AAK1: variants seen among roughly 807,000 people sequenced by gnomAD.
AAK1 encodes AP2-associated protein kinase 1.
In AAK1, 37 loss-of-function variants were observed where a neutral mutation model predicts 116.0. That is an observed-to-expected ratio of 0.32 (90% confidence interval 0.25 to 0.42). The LOEUF is 0.42. Ranked by LOEUF, AAK1 falls within the 10% of genes least tolerant of loss-of-function variation. The probability of loss-of-function intolerance (pLI) is 1.00; values close to 1 mark genes in which losing one functional copy is unlikely to be tolerated. For missense variants in AAK1, 919 were observed against 1,170.6 expected (o/e 0.79, Z 3.14); for synonymous variants, 458 against 439.9 (o/e 1.04, Z -0.51).
intron 17 of AAK1, 39 bp from the exon 18 acceptor site, chr2:69,482,851 A>G: frequency 7.6e-7 from 1 of 1,321,908 alleles, no homozygotes; most frequent in Non-Finnish European, 1.1e-6. Context: ...GCAAAAATGT[A>G]GTAAGATATT....
At chr2:69,624,886 T>C (rs67927957) in intron 2 of AAK1, among the ~76,000 whole-genome samples, 13,934 of 152,162 alleles carry the variant, frequency 0.092, 716 homozygotes, top group African/African-American at 0.13. Flanking sequence ...TTACATTGAA[T>C]GTGTGGGGCA....
intron 2 of AAK1, among the ~76,000 whole-genome samples, chr2:69,575,214 G>C (rs1672256201): frequency 6.6e-6 from 1 of 151,820 alleles, no homozygotes; most frequent in Admixed American, 6.6e-5. Context: ...GGCTTGTTAA[G>C]AAGGCGACCC....
chr2:69,519,141 T>C lies in AAK1; in HGVS notation c.1310A>G (p.Gln437Arg). The change falls in exon 12 of 22, where the codon CAG becomes CGG. Residue 437 changes from glutamine to arginine, a missense_variant. Physicochemically the swap from Gln to Arg is conservative, Grantham distance 43. Coordinates refer to ENST00000409085, the MANE Select transcript of AAK1 (RefSeq NM_014911.5). ...CGTCTGCTGTGGAGTGGGAGGAGCC[T>C]GTGGCTGCTTGGCCTGAGTTTGCGG... ...PLPQTQAKQP[Q>R]APPTPQQTPS... 2.5e-6 allele frequency: 4 copies of C among 1,571,002 alleles called. No homozygotes were observed. The highest frequency in any genetic ancestry group is 3.5e-6 in the Non-Finnish European group (4 of 1,157,426).
chr2:69,565,466 G>T (rs1158669635), intron 2 of AAK1, among the ~76,000 whole-genome samples: 1 of 152,224 alleles, frequency 6.6e-6, no homozygotes, highest in Non-Finnish European at 1.5e-5. Context: ...GACCAACTGG[G>T]AAACTAAAAC....
intron 2 of AAK1, among the ~76,000 whole-genome samples, chr2:69,637,789 T>A (rs1187972687): frequency 1.3e-5 from 2 of 152,176 alleles, no homozygotes; most frequent in African/African-American, 2.4e-5. Flanking sequence ...GTTTTGTTAA[T>A]ATTTATCAAA....
At chr2:69,637,540 A>C (rs2105270294) in intron 2 of AAK1, among the ~76,000 whole-genome samples, 1 of 152,294 alleles carries the variant, frequency 6.6e-6, no homozygotes, top group South Asian at 2.1e-4. Context: ...AATAGACCGG[A>C]GGCAAGTCTC....
chr2:69,598,099 A>T, intron 2 of AAK1: 1 of 1,013,852 alleles, frequency 9.9e-7, no homozygotes, highest in Non-Finnish European at 1.3e-6. Context: ...TTTTGGATAC[A>T]TATAATAACA....
At chr2:69,549,833 T>A (rs1048275654) in intron 3 of AAK1, among the ~76,000 whole-genome samples, 4 of 152,226 alleles carry the variant, frequency 2.6e-5, no homozygotes, top group Non-Finnish European at 5.9e-5. Flanking sequence ...TTCATTAGAA[T>A]CAGTCCACTG....
intron 3 of AAK1, among the ~76,000 whole-genome samples, chr2:69,556,449 A>T (rs909190280): frequency 1.8e-4 from 28 of 152,346 alleles, no homozygotes; most frequent in Non-Finnish European, 3.1e-4. Flanking sequence ...GGATATGTTC[A>T]CAGGATTTTG....
chr2:69,526,343 A>G (rs986785908), intron 9 of AAK1, among the ~76,000 whole-genome samples: 8 of 152,372 alleles, frequency 5.3e-5, no homozygotes, highest in African/African-American at 1.9e-4. Flanking sequence ...CAGCACCCTT[A>G]AGTCCCAGCA....
intron 4 of AAK1, among the ~76,000 whole-genome samples, chr2:69,543,270 A>G (rs750212040): frequency 5.9e-5 from 9 of 152,352 alleles, no homozygotes; most frequent in Non-Finnish European, 1.2e-4. Context: ...TCCAAAAAGG[A>G]AATGAGCAGG....
At chr2:69,511,785 C>T (rs1415496588) in intron 13 of AAK1, among the ~76,000 whole-genome samples, 2 of 152,138 alleles carry the variant, frequency 1.3e-5, no homozygotes, top group Admixed American at 1.3e-4. Context: ...AGTTTTCTTA[C>T]CACTTGGAGA....
At chr2:69,530,868 T>C (rs1401768869) in intron 6 of AAK1, among the ~76,000 whole-genome samples, 162 bp from the exon 7 acceptor site, 2 of 152,206 alleles carry the variant, frequency 1.3e-5, no homozygotes, top group Non-Finnish European at 2.9e-5. Flanking sequence ...AAGGCTGTCC[T>C]TGGTACAATC....
chr2:69,557,463 G>A (rs1671435191), intron 2 of AAK1, among the ~76,000 whole-genome samples: 1 of 151,928 alleles, frequency 6.6e-6, no homozygotes. Flanking sequence ...CACCACTCCT[G>A]GCTAATTTTT....
At chr2:69,568,762 A>G (rs1243195955) in intron 2 of AAK1, among the ~76,000 whole-genome samples, 2 of 152,198 alleles carry the variant, frequency 1.3e-5, no homozygotes, top group Non-Finnish European at 2.9e-5. Context: ...CATGCTGGAA[A>G]GCAGGCTGAC....
At chr2:69,570,340 T>G (rs1354694978) in intron 2 of AAK1, among the ~76,000 whole-genome samples, 3 of 151,908 alleles carry the variant, frequency 2.0e-5, no homozygotes, top group Non-Finnish European at 4.4e-5. Context: ...ACACCTCTTC[T>G]GCAAAGTCCT....
intron 12 of AAK1, among the ~76,000 whole-genome samples, chr2:69,516,403 T>C (rs1011271494): frequency 3.9e-4 from 59 of 151,420 alleles, no homozygotes; most frequent in African/African-American, 1.4e-3. Flanking sequence ...GAATTCATAA[T>C]GCCTATTCTC....
rs1445601820 is a variant in AAK1 at position 69,474,457 on chromosome 2, G to A, written c.*1412C>T. Reference sequence around the variant, plus strand: ...TACATATAGAGAGGGTGACCATGAGGCATGTTGTCATGTTAGTGCAGGGGC... The same window carrying A: ...TACATATAGAGAGGGTGACCATGAGACATGTTGTCATGTTAGTGCAGGGGC... On this transcript the variant is annotated 3_prime_UTR_variant, in exon 22 of 22. Coordinates refer to ENST00000409085, the MANE Select transcript of AAK1 (RefSeq NM_014911.5). 10 of 985,408 alleles carry A rather than the reference G, an allele frequency of 1.0e-5. No homozygotes were observed. The highest frequency in any genetic ancestry group is 1.1e-4 in the East Asian group (1 of 8,830). The allele number at this position is 985,408 out of a possible 1,614,324, so 61.0% of individuals were successfully genotyped here.
Position 69,466,246 on chromosome 2 carries a change from C to G in AAK1, c.*9623G>C. The stretch of plus-strand genomic sequence containing the variant: ...TCTGGTGGAGCGAATGGAACGGCTC[C>G]TCCCAGCTTCCCCGGGGGGGGTCTG... On this transcript the variant is annotated 3_prime_UTR_variant, in exon 22 of 22. Coordinates refer to ENST00000409085, the MANE Select transcript of AAK1 (RefSeq NM_014911.5). The G allele has an allele frequency of 1.2e-5, 16 of 1,289,804 alleles. No individual in the cohort carries two copies. Among genetic ancestry groups the G allele is most frequent in the Non-Finnish European group, 1.6e-5 (16 of 988,866 alleles). 79.9% of individuals were successfully genotyped at this position (1,289,804 alleles called of 1,614,324 possible).
Sources: gnomAD v4.1 joint callset for allele counts (sites outside exome capture counted in the v4.1 genomes callset) on GRCh38, gnomAD v4.1.1 for gene constraint, MANE v1.5 for transcripts, NCBI Gene and HGNC (gene_info 2026-07-23, HGNC 2026-07-21) for gene names.